The following DCC variants were observed in gnomAD, a reference collection of about 807,000 sequenced individuals.
DCC encodes the protein netrin receptor DCC.
DCC carries 58 observed loss-of-function variants against 172.5 expected under a neutral mutation model. The observed-to-expected ratio is 0.34, with a 90% CI of 0.27 to 0.42. DCC has a LOEUF of 0.42. DCC is among the 10% of genes least tolerant of loss of function. The pLI is 1.00. For missense variants in DCC, 1,740 were observed against 1,791.0 expected (o/e 0.97, Z 0.51); for synonymous variants, 709 against 644.5 (o/e 1.10, Z -1.52).
At chr18:53,243,470 C>G (rs1203252888) in intron 12 of DCC, among the ~76,000 whole-genome samples, 1 of 152,174 alleles carries the variant, frequency 6.6e-6, no homozygotes, top group Non-Finnish European at 1.5e-5. Flanking sequence ...GTATTATTCT[C>G]TAACCCACCA....
chr18:52,526,933 A>G (rs1190055178), intron 1 of DCC, among the ~76,000 whole-genome samples: 1 of 152,210 alleles, frequency 6.6e-6, no homozygotes, highest in African/African-American at 2.4e-5. Context: ...GTATCCCCAG[A>G]AATCTTCAGA....
At chr18:53,264,776 A>G (rs1568400487) in intron 12 of DCC, among the ~76,000 whole-genome samples, 1 of 152,106 alleles carries the variant, frequency 6.6e-6, no homozygotes, top group Non-Finnish European at 1.5e-5. Context: ...GCTGAAAAGA[A>G]TAAGGATGGA....
At chr18:52,831,464 A>C (rs1043650072) in intron 2 of DCC, among the ~76,000 whole-genome samples, 1 of 152,138 alleles carries the variant, frequency 6.6e-6, no homozygotes, top group Non-Finnish European at 1.5e-5. Flanking sequence ...GCAACAATCC[A>C]GTTTAGAGAG....
chr18:52,968,001 A>C (rs113235885), intron 5 of DCC, among the ~76,000 whole-genome samples: 1,852 of 152,268 alleles, frequency 0.012, 25 homozygotes, highest in African/African-American at 0.041. Context: ...GATTTTTGAA[A>C]TTTCTCTCTT....
At chr18:52,631,074 C>T (rs1293628955) in intron 1 of DCC, among the ~76,000 whole-genome samples, 3 of 152,140 alleles carry the variant, frequency 2.0e-5, no homozygotes, top group South Asian at 2.1e-4. Flanking sequence ...AGCACCTATT[C>T]GGAGGCCTAC....
intron 12 of DCC, among the ~76,000 whole-genome samples, chr18:53,275,215 G>A (rs557023497): frequency 1.3e-5 from 2 of 152,200 alleles, no homozygotes; most frequent in South Asian, 4.1e-4. Flanking sequence ...AACTATTAGA[G>A]AACAACATAT....
At chr18:52,438,144 G>A (rs1265460661) in intron 1 of DCC, among the ~76,000 whole-genome samples, 1 of 152,114 alleles carries the variant, frequency 6.6e-6, no homozygotes, top group Non-Finnish European at 1.5e-5. Flanking sequence ...CTTACTGATT[G>A]GCAGCTTGCT....
chr18:52,405,793 C>A (rs879841829), intron 1 of DCC, among the ~76,000 whole-genome samples: 549 of 151,048 alleles, frequency 3.6e-3, no homozygotes, highest in Non-Finnish European at 4.8e-3. Context: ...GCTACCAATG[C>A]CTTTCTTCAC....
At chr18:52,348,748 AC>A (rs1455076875) in intron 1 of DCC, among the ~76,000 whole-genome samples, 2 of 152,150 alleles carry the variant, frequency 1.3e-5, no homozygotes, top group Non-Finnish European at 2.9e-5. Context: ...GTCGCCTAAT[AC>A]TTTACCATGT....
chr18:53,315,093 C>T (rs1346082947), intron 13 of DCC, among the ~76,000 whole-genome samples: 1 of 152,096 alleles, frequency 6.6e-6, no homozygotes, highest in East Asian at 1.9e-4. Context: ...AGGTATTTCT[C>T]CTAAAGCTAT....
intron 2 of DCC, among the ~76,000 whole-genome samples, chr18:52,765,021 T>C (rs2037221776): frequency 7.0e-6 from 1 of 143,560 alleles, no homozygotes; most frequent in African/African-American, 3.0e-5. Context: ...TCATTTTCTT[T>C]TCTTTTTTTT....
chr18:52,471,353 C>A (rs1055924084), intron 1 of DCC, among the ~76,000 whole-genome samples: 2 of 152,114 alleles, frequency 1.3e-5, no homozygotes, highest in African/African-American at 2.4e-5. Context: ...ATAAATAAAA[C>A]TTACTCTGCT....
intron 1 of DCC, among the ~76,000 whole-genome samples, chr18:52,533,722 T>C (rs2032214050): frequency 1.3e-5 from 2 of 151,628 alleles, no homozygotes; most frequent in Non-Finnish European, 3.0e-5. Context: ...TTTGTATGTG[T>C]GTGAATACAA....
At chr18:53,109,697 A>C in intron 7 of DCC, among the ~76,000 whole-genome samples, 1 of 151,318 alleles carries the variant, frequency 6.6e-6, no homozygotes, top group East Asian at 2.0e-4. Context: ...TAATGAGAAG[A>C]CATTTTTGAC....
intron 5 of DCC, among the ~76,000 whole-genome samples, chr18:52,942,887 C>G (rs2040485833): frequency 6.6e-6 from 1 of 152,116 alleles, no homozygotes; most frequent in Non-Finnish European, 1.5e-5. Flanking sequence ...AAATAATTAT[C>G]ATGAGATATT....
At chr18:52,642,040 ATATATACTGTGGTGTGTGTGTG>A (rs1320653294) in intron 1 of DCC, among the ~76,000 whole-genome samples, 840 of 10,294 alleles carry the variant, frequency 0.082, 28 homozygotes, top group South Asian at 0.19. Flanking sequence ...ATATATATAT[ATATATACTGTGGTGTGTGTGTG>A]TATATATATA....
chr18:52,633,529 G>A (rs931400528), intron 1 of DCC, among the ~76,000 whole-genome samples: 7 of 152,088 alleles, frequency 4.6e-5, no homozygotes, highest in Non-Finnish European at 7.4e-5. Context: ...ATACAATGAT[G>A]GAGGCTAAAT....
At chr18:53,052,087 G>C (rs1448304750) in intron 5 of DCC, among the ~76,000 whole-genome samples, 1 of 151,834 alleles carries the variant, frequency 6.6e-6, no homozygotes, top group Admixed American at 6.6e-5. Context: ...TCTGATACAT[G>C]TTGGTAATTT....
intron 12 of DCC, among the ~76,000 whole-genome samples, chr18:53,235,089 G>A (rs974701964): frequency 5.3e-5 from 8 of 152,136 alleles, no homozygotes; most frequent in African/African-American, 1.9e-4. Context: ...AGCATCAAAT[G>A]TCATTATTTC....
Sources: allele counts gnomAD v4.1 joint callset (sites outside exome capture counted in the v4.1 genomes callset), GRCh38; gene constraint gnomAD v4.1.1; transcripts MANE v1.5; gene names NCBI Gene and HGNC (gene_info 2026-07-23, HGNC 2026-07-21).